The following OTOP1 variants were observed in gnomAD, a reference collection of about 807,000 sequenced individuals.
OTOP1 encodes proton channel OTOP1.
A neutral mutation model predicts 52.9 loss-of-function variants in OTOP1; 59 were observed. The ratio of observed to expected loss-of-function variants is 1.12; its 90% CI spans 0.91 to 1.39. The LOEUF (loss-of-function observed/expected upper bound fraction) is 1.39, where lower values mean the gene tolerates loss of function less well. Ranked by LOEUF, OTOP1 falls within the 40% of genes most tolerant of loss-of-function variation. OTOP1 has a pLI of 0.00. For missense variants in OTOP1, 761 were observed against 800.9 expected (o/e 0.95, Z 0.60); for synonymous variants, 317 against 337.7 (o/e 0.94, Z 0.67).
chr4:4,218,553 T>A (rs988534248), intron 1 of OTOP1, among the ~76,000 whole-genome samples: 6 of 151,988 alleles, frequency 3.9e-5, no homozygotes, highest in Non-Finnish European at 7.4e-5. Flanking sequence ...AGAGAGGAAG[T>A]GGAAGCAGCA....
chr4:4,191,995 G>T (rs1299549259), intron 5 of OTOP1, among the ~76,000 whole-genome samples: 1 of 152,234 alleles, frequency 6.6e-6, no homozygotes, highest in African/African-American at 2.4e-5. Flanking sequence ...ACATCTTTAT[G>T]TCTGCTGTTC....
intron 2 of OTOP1, among the ~76,000 whole-genome samples, chr4:4,211,984 C>T (rs771428241): frequency 4.6e-5 from 7 of 151,820 alleles, no homozygotes; most frequent in Non-Finnish European, 1.0e-4. Context: ...CCTTACCATA[C>T]CCAAAAAAAG....
Position 4,197,319 on chromosome 4 carries a change from C to A in OTOP1, c.1515G>T (p.Met505Ile). 2 of 1,614,156 alleles carry A rather than the reference C, an allele frequency of 1.2e-6. No individual in the cohort carries two copies. The highest frequency in any genetic ancestry group is 1.7e-6 in the Non-Finnish European group (2 of 1,180,028). The change falls in exon 5 of 6, where the codon ATG becomes ATT. Residue 505 changes from methionine (M) to isoleucine (I), a missense_variant. Transcript: ENST00000296358. Reference protein sequence around the residue: ...MPPAANGNVCMRESHDKEEEK... With the variant: ...MPPAANGNVCIRESHDKEEEK... ...CCTCCTCCTTGTCATGGCTTTCTCTCATGCACACATTTCCATTGGCTGCTG... is the reference window on the plus strand; with the variant it reads ...CCTCCTCCTTGTCATGGCTTTCTCTAATGCACACATTTCCATTGGCTGCTG...
Position 4,197,248 on chromosome 4 carries a change from C to T in OTOP1, c.1586G>A (p.Arg529His), listed in dbSNP as rs534646106. ...GTTGCCCTGTAAGAAACGGGGAAGG[C>T]GGACTGGGCTTGGGCTCCCTCCCCA... The part of the protein sequence containing the change: ...SSWGGSPSPV[R>H]LPRFLQGNAK... The change falls in exon 5 of 6, where the codon CGC becomes CAC. Residue 529 changes from arginine to histidine, a missense_variant. Transcript: ENST00000296358. The T allele has an allele frequency of 2.5e-5, 41 of 1,614,190 alleles. 1 individual carries two copies. The Middle Eastern group carries it at 8.2e-4, about 32-fold the overall frequency.
In OTOP1 at chr4:4,226,764, G is replaced by T. The variant is rs1349728322; in HGVS notation, c.101C>A (p.Ser34Ter). Residue 34 changes from serine (S) to a stop codon, truncating the protein, a stop_gained, in exon 1 of 6, where the codon TCG (serine) becomes TAG (stop). Coordinates refer to ENST00000296358, the MANE Select transcript of OTOP1 (RefSeq NM_177998.3). LOFTEE classifies it high-confidence loss of function. Reference sequence around the variant, plus strand: ...CGGGGATTCCGGGGACCTCGGGGCCGAGGACGAGGGAGGCGAGCAGGCCGC... The same window carrying T: ...CGGGGATTCCGGGGACCTCGGGGCCTAGGACGAGGGAGGCGAGCAGGCCGC... The part of the protein sequence containing the change: ...GPAACSPPSS[S>*]APRSPESPAP... 7.2e-7 allele frequency: 1 copy of T among 1,380,548 alleles called. No individual in the cohort carries two copies. Among genetic ancestry groups the T allele is most frequent in the South Asian group, 1.7e-5 (1 of 60,272 alleles). 85.5% of individuals were successfully genotyped at this position (1,380,548 alleles called of 1,614,324 possible).
chr4:4,202,612 C>T (rs1716814815), intron 3 of OTOP1, 34 bp from the exon 4 acceptor site: 3 of 1,610,554 alleles, frequency 1.9e-6, no homozygotes, highest in Non-Finnish European at 2.5e-6. Flanking sequence ...CTCAAGCAGC[C>T]CTGGGAGAGC....
At chr4:4,218,283 T>C (rs1196228106) in intron 1 of OTOP1, among the ~76,000 whole-genome samples, 1 of 151,544 alleles carries the variant, frequency 6.6e-6, no homozygotes, top group Non-Finnish European at 1.5e-5. Flanking sequence ...TCCCAGCTAC[T>C]TGGGAGGCTG....
intron 4 of OTOP1, 57 bp from the exon 5 acceptor site, chr4:4,198,160 G>T: frequency 1.4e-6 from 2 of 1,431,044 alleles, no homozygotes; most frequent in Non-Finnish European, 1.9e-6. Context: ...AGGGGGAACA[G>T]AAAAGCACAG....
At chr4:4,209,099 C>G (rs1716971334) in intron 2 of OTOP1, among the ~76,000 whole-genome samples, 1 of 152,146 alleles carries the variant, frequency 6.6e-6, no homozygotes, top group Non-Finnish European at 1.5e-5. Flanking sequence ...AATGTCTAGC[C>G]TCATCAAAGC....
intron 1 of OTOP1, among the ~76,000 whole-genome samples, chr4:4,220,110 T>A (rs1317477854): frequency 1.4e-5 from 2 of 139,066 alleles, no homozygotes; most frequent in Non-Finnish European, 3.1e-5. Context: ...TATATATTTT[T>A]TTTTTTTTTG....
intron 5 of OTOP1, among the ~76,000 whole-genome samples, chr4:4,195,866 T>C (rs1256161256): frequency 6.6e-6 from 1 of 152,142 alleles, no homozygotes; most frequent in Non-Finnish European, 1.5e-5. Context: ...GTATTAGATT[T>C]TCTCATTGTC....
chr4:4,189,160 C>G (rs563177574), intron 5 of OTOP1, among the ~76,000 whole-genome samples, 187 bp from the exon 6 acceptor site: 1 of 152,284 alleles, frequency 6.6e-6, no homozygotes, highest in East Asian at 1.9e-4. Flanking sequence ...CCATGTCTGC[C>G]ATGATCCTGC....
chr4:4,191,324 C>T (rs1254150347), intron 5 of OTOP1, among the ~76,000 whole-genome samples: 1 of 152,198 alleles, frequency 6.6e-6, no homozygotes, highest in Non-Finnish European at 1.5e-5. Flanking sequence ...CCAGCTCGCA[C>T]TAGGGCTCTA....
At chr4:4,195,470 A>G (rs543460438) in intron 5 of OTOP1, among the ~76,000 whole-genome samples, 2 of 152,288 alleles carry the variant, frequency 1.3e-5, no homozygotes, top group East Asian at 3.9e-4. Flanking sequence ...CCCATGTGAG[A>G]GACACTGCCT....
chr4:4,208,963 G>T (rs960513106), intron 2 of OTOP1, among the ~76,000 whole-genome samples: 1 of 152,164 alleles, frequency 6.6e-6, no homozygotes, highest in African/African-American at 2.4e-5. Flanking sequence ...GAGAAAAAGA[G>T]TTCATCGTTT....
chr4:4,219,512 C>T (rs7675199), intron 1 of OTOP1, among the ~76,000 whole-genome samples: 103,231 of 151,544 alleles, frequency 0.68, 35,325 homozygotes, highest in South Asian at 0.81. Context: ...CCATCCTGGC[C>T]AACACGGTGA....
rs779982589 is a variant in OTOP1 at position 4,197,571 on chromosome 4, G to A, written c.1263C>T (p.Tyr421=). 2 of 1,614,092 alleles carry A rather than the reference G, an allele frequency of 1.2e-6. No homozygotes were observed. Among genetic ancestry groups the A allele is most frequent in the African/African-American group, 2.7e-5 (2 of 75,012 alleles). ...AILCAEGHPR[Y]TWYNLPYSIL... ...TGGAGTAGGGCAGGTTGTACCAGGT[G>A]TAGCGGGGGTGGCCCTCAGCACAGA... is the stretch of plus-strand genomic sequence containing the variant. The change falls in exon 5 of 6, where the codon TAC becomes TAT. Residue 421 remains tyrosine (Y), a synonymous_variant. Transcript: ENST00000296358.
Position 4,197,300 on chromosome 4 carries a change from C to A in OTOP1, c.1534G>T (p.Glu512Ter). ...NVCMRESHDK[E>*]EEKQEESSWG... ...CTGCTCTCCTCCTGCTTCTCCTCCT[C>A]CTTGTCATGGCTTTCTCTCATGCAC... The change falls in exon 5 of 6, where the codon GAG becomes TAG. Residue 512 changes from glutamate to a stop codon, truncating the protein, a stop_gained. Coordinates refer to ENST00000296358, the MANE Select transcript of OTOP1 (RefSeq NM_177998.3). LOFTEE classifies it high-confidence loss of function. The A allele has an allele frequency of 6.2e-7, 1 of 1,614,176 alleles. No homozygotes were observed. Among genetic ancestry groups the A allele is most frequent in the Non-Finnish European group, 8.5e-7 (1 of 1,180,036 alleles).
At chr4:4,203,386 A>C (rs1281252546) in intron 3 of OTOP1, among the ~76,000 whole-genome samples, 1 of 152,236 alleles carries the variant, frequency 6.6e-6, no homozygotes, top group African/African-American at 2.4e-5. Context: ...CGGGAGATCC[A>C]GATAGACTCA....
Sources: gnomAD v4.1 joint callset for allele counts (sites outside exome capture counted in the v4.1 genomes callset) on GRCh38, gnomAD v4.1.1 for gene constraint, MANE v1.5 for transcripts, NCBI Gene and HGNC (gene_info 2026-07-23, HGNC 2026-07-21) for gene names.